TRAK1: variants seen among roughly 807,000 people sequenced by gnomAD.
TRAK1 encodes trafficking kinesin-binding protein 1.
A neutral mutation model predicts 92.1 loss-of-function variants in TRAK1; 33 were observed. The ratio of observed to expected loss-of-function variants is 0.36; its 90% confidence interval spans 0.27 to 0.48. TRAK1 has a LOEUF of 0.48. Among genes scored for constraint, TRAK1 ranks in the 20% least tolerant of loss-of-function variants. TRAK1 has a pLI of 0.99. For missense variants in TRAK1, 1,123 were observed against 1,257.9 expected, an observed-to-expected ratio of 0.89 and a Z score of 1.62; for synonymous variants, 521 against 517.3, an observed-to-expected ratio of 1.01 and a Z score of -0.10.
intron 1 of TRAK1, among the ~76,000 whole-genome samples, chr3:42,097,508 G>A (rs187408723): frequency 2.0e-5 from 3 of 152,290 alleles, no homozygotes; most frequent in South Asian, 4.1e-4. Flanking sequence ...CTTGATTTAC[G>A]TTCCTCAGTG....
In TRAK1 at chr3:42,201,853, T is replaced by TGGAC. The variant is rs10531282; in HGVS notation, c.1428-562_1428-559dup. Among the ~76,000 whole-genome samples the TGGAC allele has an allele frequency of 1.7e-3, 223 of 128,004 alleles. 4 individuals carry two copies. The South Asian group carries it at 0.03, about 17-fold the overall frequency. 84.0% of individuals were successfully genotyped at this position (128,004 alleles called of 152,430 possible). A position where few individuals can be genotyped will look rare whatever the true frequency, so the allele number is the denominator to read the frequency against. ...CTTTGTCCTGAAGCCCTGCAGAACC[T>TGGAC]GGACGGACGGACGGACGGACGGACA... On this transcript the variant is annotated intron_variant, in intron 12 of 15. Transcript: ENST00000327628.
At chr3:42,180,170 C>T (rs1703801417) in intron 3 of TRAK1, among the ~76,000 whole-genome samples, 1 of 152,070 alleles carries the variant, frequency 6.6e-6, no homozygotes, top group African/African-American at 2.4e-5. Context: ...AGAGAAAAAA[C>T]TAGAGACACT....
chr3:42,040,321 C>T (rs1229182409), intron 1 of TRAK1, among the ~76,000 whole-genome samples: 2 of 152,158 alleles, frequency 1.3e-5, no homozygotes, highest in African/African-American at 4.8e-5. Flanking sequence ...TATATAACTG[C>T]TCCTTGCAGA....
chr3:42,218,801 A>G (rs1709999264), intron 14 of TRAK1: 1 of 985,440 alleles, frequency 1.0e-6, no homozygotes, highest in Non-Finnish European at 1.2e-6. Context: ...GCTAGCAGCT[A>G]GGGGGTATGG....
intron 1 of TRAK1, among the ~76,000 whole-genome samples, chr3:42,057,877 C>T (rs1203270144): frequency 6.6e-6 from 1 of 152,164 alleles, no homozygotes; most frequent in East Asian, 1.9e-4. Context: ...TGCTTTTATT[C>T]TTAAGTATTT....
intron 1 of TRAK1, among the ~76,000 whole-genome samples, chr3:42,078,752 C>CAAAAAAA (rs748321736): frequency 4.0e-5 from 2 of 49,640 alleles, no homozygotes; most frequent in Non-Finnish European, 8.9e-5. Flanking sequence ...GATTCCATCT[C>CAAAAAAA]AAAAAAAAAA....
intron 14 of TRAK1, chr3:42,218,001 A>T: frequency 1.0e-6 from 1 of 983,970 alleles, no homozygotes; most frequent in Non-Finnish European, 1.2e-6. Flanking sequence ...CATGGCTGAG[A>T]GTTTTCTCCT....
Position 42,219,615 on chromosome 3 carries a change from G to T in TRAK1, c.2066+19G>T. 1 of 1,596,482 alleles carries T rather than the reference G, an allele frequency of 6.3e-7. No individual in the cohort carries two copies. The highest frequency in any genetic ancestry group is 8.6e-7 in the Non-Finnish European group (1 of 1,164,550). On this transcript the variant is annotated intron_variant, in intron 15 of 15. Coordinates refer to ENST00000327628, the MANE Select transcript of TRAK1 (RefSeq NM_001042646.3). ...CACCAAGGTAAGGGACCCTGGCTTT[G>T]GGGTGGGCAGGGGTGGGGTGAAGTC... is the stretch of plus-strand genomic sequence containing the variant.
chr3:42,075,360 AAAAAAAG>A, intron 1 of TRAK1, among the ~76,000 whole-genome samples: 1 of 151,142 alleles, frequency 6.6e-6, no homozygotes, highest in South Asian at 2.1e-4. Flanking sequence ...AAAAAAAAAA[AAAAAAAG>A]AATGAGGTAT....
intron 1 of TRAK1, among the ~76,000 whole-genome samples, chr3:42,066,504 A>C (rs777567172): frequency 3.3e-4 from 49 of 148,142 alleles, no homozygotes; most frequent in Non-Finnish European, 6.6e-4. Flanking sequence ...CCAAGCAGCA[A>C]GGTCATGAGC....
chr3:42,155,342 T>C (rs994803316), intron 2 of TRAK1, among the ~76,000 whole-genome samples: 24 of 152,186 alleles, frequency 1.6e-4, no homozygotes, highest in African/African-American at 5.8e-4. Context: ...CCCTTCCAAA[T>C]GTAAATTTCT....
intron 1 of TRAK1, among the ~76,000 whole-genome samples, chr3:42,063,522 CA>C (rs1478648584): frequency 6.6e-6 from 1 of 152,056 alleles, no homozygotes; most frequent in Non-Finnish European, 1.5e-5. Context: ...CCTGTCTCTA[CA>C]AAAATTACAA....
chr3:42,108,569 C>A (rs1003272878), intron 1 of TRAK1, among the ~76,000 whole-genome samples: 2 of 148,224 alleles, frequency 1.3e-5, no homozygotes, highest in Non-Finnish European at 3.0e-5. Context: ...ATGACCCTGA[C>A]AAGAAAACAA....
chr3:42,176,750 A>G lies in TRAK1; in HGVS notation c.287-64A>G, dbSNP rs78512865. On this transcript the variant is annotated intron_variant, in intron 2 of 15. Transcript: ENST00000327628. ...CACAACATTAGGGGCACTTTTTTAG[A>G]TGAGTCATTTGTTTGGCAGGTTTGT... 6 of 1,489,528 alleles carry G rather than the reference A, an allele frequency of 4.0e-6. No individual in the cohort carries two copies. In the Admixed American group the frequency reaches 8.4e-5, roughly 21 times the overall value. 92.3% of individuals were successfully genotyped at this position (1,489,528 alleles called of 1,614,324 possible). A position where few individuals can be genotyped will look rare whatever the true frequency, so the allele number is the denominator to read the frequency against.
chr3:42,094,715 T>C (rs1373492946), intron 1 of TRAK1, among the ~76,000 whole-genome samples: 2 of 152,224 alleles, frequency 1.3e-5, no homozygotes, highest in South Asian at 2.1e-4. Context: ...TATAATGTTA[T>C]AAATCCTGTT....
In TRAK1 at chr3:42,224,907, C is replaced by G. The variant is rs1710659015; in HGVS notation, c.*1170C>G. 1.3e-5 allele frequency: 2 copies of G among 152,194 alleles called. No individual in the cohort carries two copies. The highest frequency in any genetic ancestry group is 4.1e-4 in the South Asian group (2 of 4,832). The allele number at this position is 152,194 out of a possible 1,614,324, so 9.4% of individuals were successfully genotyped here. ...GCCCACATGCTTTTCCTTCTTGTTT[C>G]AGAACAGCACATGGTCACAACAAGA... On this transcript the variant is annotated 3_prime_UTR_variant, in exon 16 of 16. Coordinates refer to ENST00000327628, the MANE Select transcript of TRAK1 (RefSeq NM_001042646.3).
intron 1 of TRAK1, among the ~76,000 whole-genome samples, chr3:42,062,333 G>A (rs76816445): frequency 0.087 from 13,203 of 152,144 alleles, 624 homozygotes; most frequent in Non-Finnish European, 0.11. Context: ...CTAAGGATAG[G>A]TCTTAATTTT....
At chr3:42,157,911 C>T (rs1453010202) in intron 2 of TRAK1, among the ~76,000 whole-genome samples, 2 of 152,278 alleles carry the variant, frequency 1.3e-5, no homozygotes, top group South Asian at 4.1e-4. Flanking sequence ...TCTTTTTGTA[C>T]TATCCAGGAG....
intron 13 of TRAK1, among the ~76,000 whole-genome samples, chr3:42,205,470 T>C (rs1708224461): frequency 1.3e-5 from 2 of 152,352 alleles, no homozygotes; most frequent in Admixed American, 1.3e-4. Context: ...GCTAAGTGTT[T>C]AAGAGTGCTA....
Sources: allele counts gnomAD v4.1 joint callset (sites outside exome capture counted in the v4.1 genomes callset), GRCh38; gene constraint gnomAD v4.1.1; transcripts MANE v1.5; gene names NCBI Gene and HGNC (gene_info 2026-07-23, HGNC 2026-07-21).